Variants in MMP26 observed in about 807,000 individuals in gnomAD.
The protein encoded by MMP26 is matrix metalloproteinase-26.
Under a neutral mutation model 31.0 loss-of-function variants are expected in MMP26, and 33 were observed. The ratio of observed to expected loss-of-function variants is 1.06; its 90% CI spans 0.81 to 1.42. The LOEUF (loss-of-function observed/expected upper bound fraction) is 1.42, where lower values mean the gene tolerates loss of function less well. Ranked by LOEUF, MMP26 falls within the 40% of genes most tolerant of loss-of-function variation. The pLI, the probability that MMP26 is intolerant of heterozygous loss-of-function variation, is 0.00. For synonymous variants in MMP26, 122 were observed against 114.9 expected, an observed-to-expected ratio of 1.06 and a Z score of -0.40; for missense variants, 347 against 316.1, an observed-to-expected ratio of 1.10 and a Z score of -0.74.
At chr11:4,759,111 C>CAAA (rs989730402) in intron 1 of MMP26, among the ~76,000 whole-genome samples, 65 of 42,966 alleles carry the variant, frequency 1.5e-3, no homozygotes, top group Admixed American at 2.4e-3. Context: ...CATTCCATCT[C>CAAA]AAAAAAAAAA....
chr11:4,747,880 A>T (rs1848400220), intron 1 of MMP26, among the ~76,000 whole-genome samples: 1 of 152,100 alleles, frequency 6.6e-6, no homozygotes, highest in Non-Finnish European at 1.5e-5. Flanking sequence ...AACATCATAC[A>T]TCAAGAAACT....
chr11:4,945,997 T>G (rs1846293334), intron 2 of MMP26: 2 of 692,808 alleles, frequency 2.9e-6, no homozygotes, highest in African/African-American at 1.8e-5. Context: ...GTACTTCCTG[T>G]TTATAGTTCT....
In MMP26 at chr11:4,990,602, A is replaced by G. The variant is rs767407113; in HGVS notation, c.325A>G (p.Ile109Val). ...TTTAGAGATTGCTTTCCTCAGGATT[A>G]TCAATTACCCACATGATATGAAGCC... Reference protein sequence around the residue: ...WNKHTLTYRIINYPHDMKPSA... With the variant: ...WNKHTLTYRIVNYPHDMKPSA... Residue 109 changes from isoleucine to valine, a missense_variant, in exon 5 of 8, where the codon ATC (isoleucine) becomes GTC (valine). By Grantham distance (29) the Ile-to-Val change is conservative. Transcript: ENST00000380390. The G allele has an allele frequency of 6.2e-6, 10 of 1,611,944 alleles. No homozygotes were observed.
At chr11:4,851,243 A>G (rs1235610300) in intron 2 of MMP26, among the ~76,000 whole-genome samples, 1 of 152,182 alleles carries the variant, frequency 6.6e-6, no homozygotes, top group Non-Finnish European at 1.5e-5. Context: ...TGGTCAGATA[A>G]GGAAACCCCA....
At position 4,945,841 on chromosome 11, in the gene MMP26, T is replaced by C. The variant is rs144652889; in HGVS notation, c.-144-42227T>C. 668 of 361,780 alleles carry C rather than the reference T, an allele frequency of 1.8e-3. 2 individuals are homozygous for C. Among genetic ancestry groups the C allele is most frequent in the African/African-American group, 8.7e-3 (416 of 47,770 alleles). The allele number at this position is 361,780 out of a possible 1,614,324, so 22.4% of individuals were successfully genotyped here. On this transcript the variant is annotated intron_variant, in intron 2 of 7. Coordinates refer to ENST00000380390, the MANE Select transcript of MMP26 (RefSeq NM_021801.5). ...AAAGAACTTGGTATAAGAGATTGAA[T>C]GTAGATAATGAGAAATCCAACTTCT...
At chr11:4,846,104 A>G (rs1226196522) in intron 2 of MMP26, among the ~76,000 whole-genome samples, 1 of 152,162 alleles carries the variant, frequency 6.6e-6, no homozygotes, top group Admixed American at 6.5e-5. Context: ...CTGCACTCCC[A>G]TGTTTGCTGC....
chr11:4,791,917 A>G (rs933777466), intron 2 of MMP26, among the ~76,000 whole-genome samples: 1 of 151,576 alleles, frequency 6.6e-6, no homozygotes, highest in African/African-American at 2.4e-5. Context: ...CAATCACCCT[A>G]TCTAATTGTT....
Position 4,767,327 on chromosome 11 carries a change from A to C in MMP26, c.-159A>C, listed in dbSNP as rs1319634031. The C allele has an allele frequency of 6.6e-6, 1 of 152,172 alleles. No individual in the cohort carries two copies. Among genetic ancestry groups the C allele is most frequent in the African/African-American group, 2.4e-5 (1 of 41,440 alleles). 9.4% of individuals were successfully genotyped at this position (152,172 alleles called of 1,614,324 possible). A position where few individuals can be genotyped will look rare whatever the true frequency, so the allele number is the denominator to read the frequency against. ...ACTTTTGGATACTCTTTCAACTCAG[A>C]AGTCAACATAAAGGGTAAAATTTTA... On this transcript the variant is annotated 5_prime_UTR_variant, in exon 2 of 8. Coordinates refer to ENST00000380390, the MANE Select transcript of MMP26 (RefSeq NM_021801.5).
chr11:4,899,286 A>G (rs187429124), intron 2 of MMP26, among the ~76,000 whole-genome samples: 2 of 152,138 alleles, frequency 1.3e-5, no homozygotes, highest in African/African-American at 4.8e-5. Flanking sequence ...TTCATTTGGG[A>G]ATAGCTCTTC....
At chr11:4,990,419 G>T (rs542062167) in intron 4 of MMP26, among the ~76,000 whole-genome samples, 179 bp from the exon 5 acceptor site, 1 of 152,102 alleles carries the variant, frequency 6.6e-6, no homozygotes, top group Admixed American at 6.5e-5. Context: ...ATCTATATTT[G>T]CATGTTTAAT....
chr11:4,754,415 A>G (rs1848482457), intron 1 of MMP26, among the ~76,000 whole-genome samples: 1 of 151,988 alleles, frequency 6.6e-6, no homozygotes, highest in South Asian at 2.1e-4. Flanking sequence ...TTGTCCATGT[A>G]TTATATGAAA....
At chr11:4,874,632 A>T (rs1389320662) in intron 2 of MMP26, among the ~76,000 whole-genome samples, 2 of 151,606 alleles carry the variant, frequency 1.3e-5, no homozygotes, top group Non-Finnish European at 2.9e-5. Flanking sequence ...CAGAAGGGTT[A>T]TGATAAATAC....
intron 2 of MMP26, among the ~76,000 whole-genome samples, chr11:4,971,574 T>A (rs565761640): frequency 3.3e-5 from 5 of 151,590 alleles, no homozygotes; most frequent in African/African-American, 1.2e-4. Flanking sequence ...GGAAAAGGAG[T>A]AAGGTTGGGG....
At chr11:4,886,823 G>T (rs1003461003) in intron 2 of MMP26, among the ~76,000 whole-genome samples, 9 of 151,478 alleles carry the variant, frequency 5.9e-5, no homozygotes, top group African/African-American at 1.9e-4. Flanking sequence ...AGAATTCCAG[G>T]GTTGCTTTTT....
chr11:4,861,500 T>G (rs183672483), intron 2 of MMP26, among the ~76,000 whole-genome samples: 354 of 151,726 alleles, frequency 2.3e-3, no homozygotes, highest in African/African-American at 7.0e-3. Context: ...TGTATATATA[T>G]ATAGAGAGAG....
chr11:4,733,732 G>C (rs1001873932), intron 1 of MMP26, among the ~76,000 whole-genome samples: 2 of 152,144 alleles, frequency 1.3e-5, no homozygotes, highest in African/African-American at 4.8e-5. Context: ...AAATGGATGA[G>C]AGTGGACATC....
intron 2 of MMP26, among the ~76,000 whole-genome samples, chr11:4,867,860 A>G (rs1282086687): frequency 1.3e-5 from 2 of 152,194 alleles, no homozygotes; most frequent in African/African-American, 4.8e-5. Flanking sequence ...TAGAGGCAGA[A>G]ATACCATTTG....
chr11:4,945,749 A>T (rs547291844), intron 2 of MMP26: 55 of 230,340 alleles, frequency 2.4e-4, no homozygotes, highest in Admixed American at 1.6e-3. Context: ...TGATTAAATT[A>T]AAAAAATGGT....
intron 2 of MMP26, among the ~76,000 whole-genome samples, chr11:4,931,139 C>T (rs1398845769): frequency 2.0e-5 from 3 of 151,776 alleles, no homozygotes; most frequent in Non-Finnish European, 2.9e-5. Flanking sequence ...GATAAATGTT[C>T]GATATCAGGA....
Sources: allele counts gnomAD v4.1 joint callset (sites outside exome capture counted in the v4.1 genomes callset), GRCh38; gene constraint gnomAD v4.1.1; transcripts MANE v1.5; gene names NCBI Gene and HGNC (gene_info 2026-07-23, HGNC 2026-07-21).